CUBN: variants seen among roughly 807,000 people sequenced by gnomAD.
CUBN encodes the protein cubilin, also known as 460 kDa receptor.
Under a neutral mutation model 405.3 loss-of-function variants are expected in CUBN, and 282 were observed. That is an observed-to-expected ratio of 0.70 (90% CI 0.63 to 0.77). The LOEUF is 0.77. Ranked by LOEUF, CUBN falls within the 30% of genes least tolerant of loss-of-function variation. CUBN has a pLI of 0.00. For synonymous variants in CUBN, 1,684 were observed against 1,617.0 expected, an observed-to-expected ratio of 1.04 and a Z score of -0.99; for missense variants, 4,514 against 4,475.2, an observed-to-expected ratio of 1.01 and a Z score of -0.25.
In CUBN at chr10:17,068,723, G is replaced by C. The variant is rs386833778; in HGVS notation, c.2673C>G (p.Cys891Trp). The change falls in exon 20 of 67, where the codon TGC becomes TGG. Residue 891 changes from cysteine (C) to tryptophan (W), a missense_variant. Cys to Trp is a radical substitution (Grantham distance 215). Coordinates refer to ENST00000377833, the MANE Select transcript of CUBN (RefSeq NM_001081.4). ...TTATAAATGAAGGTATGTCTGTACC[G>C]CAATACTTTTTATTTTCAGGAGAAC... Reference protein sequence around the residue: ...ILGSPENKKYCGTDIPSFITS... With the variant: ...ILGSPENKKYWGTDIPSFITS... The C allele has an allele frequency of 5.0e-6, 8 of 1,611,946 alleles. No homozygotes were observed. Among genetic ancestry groups the C allele is most frequent in the Non-Finnish European group, 3.4e-6 (4 of 1,178,316 alleles).
rs900912814 is a variant in CUBN at position 16,933,913 on chromosome 10, T to C, written c.5927-629A>G. Among the ~76,000 whole-genome samples the C allele has an allele frequency of 2.0e-5, 3 of 152,242 alleles. No individual in the cohort carries two copies. The South Asian group carries it at 6.2e-4, about 32-fold the overall frequency. Reference sequence around the variant, plus strand: ...GTGAAACAGCTGTTGCTGATTGTTTTCGGCAAAGACCCCAGGGACAGGGCT... The same window carrying C: ...GTGAAACAGCTGTTGCTGATTGTTTCCGGCAAAGACCCCAGGGACAGGGCT... On this transcript the variant is annotated intron_variant, in intron 39 of 66. Coordinates refer to ENST00000377833, the MANE Select transcript of CUBN (RefSeq NM_001081.4).
At chr10:16,915,461 T>C (rs1309787944) in intron 46 of CUBN, among the ~76,000 whole-genome samples, 1 of 152,200 alleles carries the variant, frequency 6.6e-6, no homozygotes, top group Non-Finnish European at 1.5e-5. Context: ...GACAAGTATC[T>C]GCCTTATGCT....
chr10:17,039,348 T>C (rs1017020749), intron 27 of CUBN, among the ~76,000 whole-genome samples: 1 of 152,326 alleles, frequency 6.6e-6, no homozygotes, highest in East Asian at 1.9e-4. Context: ...GATACTAAAA[T>C]ATGGCTGTGA....
chr10:16,915,092 C>A lies in CUBN; in HGVS notation c.7291G>T (p.Val2431Phe). Residue 2431 changes from valine (V) to phenylalanine (F), a missense_variant, in exon 47 of 67, where the codon GTC (valine) becomes TTC (phenylalanine). Val to Phe is a conservative substitution (Grantham distance 50). Around this residue, in one of 5 missense-constraint regions of CUBN, gnomAD observed 1,613 missense variants for 1,542.8 expected, o/e 1.05. Coordinates refer to ENST00000377833, the MANE Select transcript of CUBN (RefSeq NM_001081.4). ...TSSNTAVVRF[V>F]TDGSVTASGF... ...GAGGCAGTCACAGAGCCGTCTGTGA[C>A]AAACCTGACCACAGCAGTATTGCTA... 1 of 1,614,168 alleles carries A rather than the reference C, an allele frequency of 6.2e-7. No homozygotes were observed. The highest frequency in any genetic ancestry group is 1.3e-5 in the African/African-American group (1 of 75,050).
intron 6 of CUBN, among the ~76,000 whole-genome samples, chr10:17,117,786 G>T (rs987522082): frequency 6.6e-6 from 1 of 152,112 alleles, no homozygotes. Context: ...TGGGAGATCT[G>T]AGTGTTTGGA....
rs776025936 is a variant in CUBN at position 16,840,950 on chromosome 10, A to G, written c.9761T>C (p.Val3254Ala). 1 of 1,613,882 alleles carries G rather than the reference A, an allele frequency of 6.2e-7. No homozygotes were observed. Among genetic ancestry groups the G allele is most frequent in the South Asian group, 1.1e-5 (1 of 91,072 alleles). Residue 3254 changes from valine to alanine, a missense_variant, in exon 61 of 67, where the codon GTT becomes GCT. Coordinates refer to ENST00000377833, the MANE Select transcript of CUBN (RefSeq NM_001081.4). ...TAATGTTAAGTCACTGATGAATTGAACCGTAAGGAAGTTACCAGAAGAGAT... is the reference window on the plus strand; with the variant it reads ...TAATGTTAAGTCACTGATGAATTGAGCCGTAAGGAAGTTACCAGAAGAGAT... ...PFISSGNFLT[V>A]QFISDLTLER...
intron 27 of CUBN, among the ~76,000 whole-genome samples, chr10:17,039,078 C>T (rs1338057586): frequency 7.3e-6 from 1 of 137,770 alleles, no homozygotes; most frequent in African/African-American, 2.9e-5. Flanking sequence ...CATCTCTTTC[C>T]TCCCCCCTCT....
At chr10:17,060,814 G>A (rs1216281461) in intron 22 of CUBN, among the ~76,000 whole-genome samples, 1 of 152,148 alleles carries the variant, frequency 6.6e-6, no homozygotes, top group Non-Finnish European at 1.5e-5. Context: ...ACTTTGGGAG[G>A]CTGAGGCGGG....
intron 36 of CUBN, among the ~76,000 whole-genome samples, chr10:16,946,834 A>G (rs754218500): frequency 6.6e-6 from 1 of 152,160 alleles, no homozygotes; most frequent in African/African-American, 2.4e-5. Context: ...GGAAAGGTGG[A>G]TTGAGGTAGG....
chr10:17,126,502 T>A (rs1331265358), intron 4 of CUBN, among the ~76,000 whole-genome samples: 2 of 152,146 alleles, frequency 1.3e-5, no homozygotes, highest in African/African-American at 4.8e-5. Flanking sequence ...TGGTAAAGGA[T>A]GTGGGCTGTG....
intron 60 of CUBN, among the ~76,000 whole-genome samples, chr10:16,841,834 A>G (rs1356275097): frequency 2.0e-5 from 3 of 147,214 alleles, no homozygotes; most frequent in Non-Finnish European, 4.5e-5. Context: ...AATAACTTGA[A>G]TCTAGGAGGT....
At chr10:16,929,188 T>C (rs1461918064) in intron 40 of CUBN, among the ~76,000 whole-genome samples, 3 of 152,190 alleles carry the variant, frequency 2.0e-5, no homozygotes, top group Admixed American at 2.0e-4. Flanking sequence ...CACACATTTG[T>C]GTGGAGGGTG....
intron 31 of CUBN, among the ~76,000 whole-genome samples, chr10:16,971,633 G>T (rs1382379473): frequency 6.6e-6 from 1 of 151,956 alleles, no homozygotes; most frequent in South Asian, 2.1e-4. Context: ...AAAATCTTGT[G>T]CCAAGCCATG....
intron 50 of CUBN, among the ~76,000 whole-genome samples, chr10:16,904,486 A>C (rs979721420): frequency 6.6e-6 from 1 of 152,238 alleles, no homozygotes; most frequent in Non-Finnish European, 1.5e-5. Context: ...GATAAAATAT[A>C]TCCTCAAGAT....
At chr10:16,911,277 A>T (rs1390931189) in intron 48 of CUBN, among the ~76,000 whole-genome samples, 1 of 152,204 alleles carries the variant, frequency 6.6e-6, no homozygotes, top group Admixed American at 6.5e-5. Context: ...CTCAGTTGTG[A>T]ATGGTGTTTA....
In CUBN at chr10:17,085,748, A is replaced by G. The variant is rs1239555754; in HGVS notation, c.1959T>C (p.Gly653=). The change falls in exon 16 of 67, where the codon GGT becomes GGC. Residue 653 remains glycine, a synonymous_variant. Coordinates refer to ENST00000377833, the MANE Select transcript of CUBN (RefSeq NM_001081.4). ...CNKDYLEIRD[G]PLYQDPLLGK... ...CAAGAAGGGGGTCCTGATACAAAGG[A>G]CCATCTCGAATCTAAAACAAAAGGA... is the stretch of plus-strand genomic sequence containing the variant. 6.2e-7 allele frequency: 1 copy of G among 1,613,812 alleles called. No homozygotes were observed. Among genetic ancestry groups the G allele is most frequent in the Non-Finnish European group, 8.5e-7 (1 of 1,179,944 alleles).
At chr10:17,048,244 G>A (rs1025152679) in intron 22 of CUBN, among the ~76,000 whole-genome samples, 1 of 152,264 alleles carries the variant, frequency 6.6e-6, no homozygotes, top group Non-Finnish European at 1.5e-5. Context: ...TATGCACTCA[G>A]TAAATGGTGG....
intron 39 of CUBN, among the ~76,000 whole-genome samples, chr10:16,935,929 A>T (rs908737871): frequency 8.6e-5 from 13 of 151,692 alleles, no homozygotes; most frequent in African/African-American, 2.9e-4. Flanking sequence ...CTGATAGGAC[A>T]ATGCTCAATA....
intron 59 of CUBN, among the ~76,000 whole-genome samples, chr10:16,857,332 T>C (rs926593313): frequency 2.0e-5 from 3 of 152,336 alleles, no homozygotes; most frequent in Non-Finnish European, 4.4e-5. Flanking sequence ...ACTAAAAGAA[T>C]GGTAATTTAC....
Sources: allele counts gnomAD v4.1 joint callset (sites outside exome capture counted in the v4.1 genomes callset), GRCh38; gene constraint gnomAD v4.1.1; regional missense constraint gnomAD v4.1.1; transcripts MANE v1.5; gene names NCBI Gene and HGNC (gene_info 2026-07-23, HGNC 2026-07-21).